MRPL48: variants seen among roughly 807,000 people sequenced by gnomAD.
MRPL48 encodes mitochondrial ribosomal protein L48.
Under a neutral mutation model 32.9 loss-of-function variants are expected in MRPL48, and 16 were observed. That is an observed-to-expected ratio of 0.49 (90% CI 0.33 to 0.74). The LOEUF (loss-of-function observed/expected upper bound fraction) is 0.74, where lower values mean the gene tolerates loss of function less well. MRPL48 is among the 30% of genes least tolerant of loss of function. The pLI is 0.02. For synonymous variants in MRPL48, 94 were observed against 89.2 expected, an observed-to-expected ratio of 1.05 and a Z score of -0.31; for missense variants, 206 against 245.3, an observed-to-expected ratio of 0.84 and a Z score of 1.07.
chr11:73,810,139 T>A (rs942265010), intron 3 of MRPL48, among the ~76,000 whole-genome samples: 2 of 152,240 alleles, frequency 1.3e-5, no homozygotes, highest in Non-Finnish European at 2.9e-5. Flanking sequence ...TAGATTCAAC[T>A]TTTGTTAACA....
At chr11:73,826,210 G>T (rs1026768692) in intron 4 of MRPL48, among the ~76,000 whole-genome samples, 7 of 151,904 alleles carry the variant, frequency 4.6e-5, no homozygotes, top group Admixed American at 3.9e-4. Flanking sequence ...TATAGAGACA[G>T]GGTCTTGCTG....
intron 6 of MRPL48, 161 bp downstream of exon 6, chr11:73,860,170 C>T (rs1591012792): frequency 1.7e-6 from 1 of 574,928 alleles, no homozygotes; most frequent in East Asian, 3.0e-5. Context: ...TAATACCTTC[C>T]CCCTATGCAG....
intron 4 of MRPL48, among the ~76,000 whole-genome samples, chr11:73,836,310 C>T (rs892040193): frequency 6.6e-6 from 1 of 152,038 alleles, no homozygotes; most frequent in African/African-American, 2.4e-5. Context: ...TTCTCCCTGC[C>T]TCAGCTTCCC....
At chr11:73,806,450 TCCCTGACTACTCTATGTAAAATATACA>T (rs1221346880) in intron 2 of MRPL48, among the ~76,000 whole-genome samples, 1 of 152,162 alleles carries the variant, frequency 6.6e-6, no homozygotes, top group Non-Finnish European at 1.5e-5. Context: ...CAAGAGGCCT[TCCCTGACTACTCTATGTAAAATATACA>T]CCCCTCCATC....
intron 1 of MRPL48, among the ~76,000 whole-genome samples, chr11:73,799,209 G>A (rs947057982): frequency 2.0e-5 from 3 of 152,106 alleles, no homozygotes; most frequent in South Asian, 4.2e-4. Context: ...AAAATTAGCC[G>A]AGTGTAGTGG....
rs1213673501 is a variant in MRPL48, at chr11:73,857,036, C to T, written c.372-2871C>T. 5.3e-5 allele frequency among the ~76,000 whole-genome samples: 8 copies of T among 152,212 alleles called. No homozygotes were observed. In the South Asian group the frequency reaches 1.5e-3, roughly 28 times the overall value. On this transcript the variant is annotated intron_variant, in intron 5 of 7. Coordinates refer to ENST00000310614, the MANE Select transcript of MRPL48 (RefSeq NM_016055.6). ...CGCCCCTTCTTGTCCCTATAGTATTCGGCACATACCTATTATTGCCTTTGT... is the reference window on the plus strand; with the variant it reads ...CGCCCCTTCTTGTCCCTATAGTATTTGGCACATACCTATTATTGCCTTTGT...
At chr11:73,861,267 G>A (rs1948579935) in intron 6 of MRPL48, among the ~76,000 whole-genome samples, 1 of 152,138 alleles carries the variant, frequency 6.6e-6, no homozygotes, top group Admixed American at 6.5e-5. Context: ...TAGTTTGAAT[G>A]CTTTAGGTTG....
At chr11:73,835,976 C>T (rs1021782777) in intron 4 of MRPL48, among the ~76,000 whole-genome samples, 1 of 152,002 alleles carries the variant, frequency 6.6e-6, no homozygotes, top group Non-Finnish European at 1.5e-5. Context: ...CACTGTCGCC[C>T]AGGTTGGAGT....
chr11:73,815,631 T>C (rs1947650939), intron 3 of MRPL48, among the ~76,000 whole-genome samples: 1 of 151,936 alleles, frequency 6.6e-6, no homozygotes, highest in Admixed American at 6.6e-5. Flanking sequence ...TGAGATTACA[T>C]GTGTGAGCCA....
intron 1 of MRPL48, among the ~76,000 whole-genome samples, chr11:73,791,335 T>C (rs1947148457): frequency 6.6e-6 from 1 of 152,228 alleles, no homozygotes; most frequent in Non-Finnish European, 1.5e-5. Context: ...CCCATTATAC[T>C]GATCTAACAT....
rs118062103 is a variant in MRPL48, at chr11:73,821,410, G to A, written c.113-4298G>A. 2.6e-3 allele frequency among the ~76,000 whole-genome samples: 396 copies of A among 152,142 alleles called. 14 individuals carry two copies. The East Asian group carries it at 0.064, about 25-fold the overall frequency. On this transcript the variant is annotated intron_variant, in intron 3 of 7. Transcript: ENST00000310614. ...TGGCCTTGTCCCCAACCCTTTGCAC[G>A]GTGTCTGGGATATCATTAGTACTCA...
At chr11:73,862,934 C>T (rs556414836) in intron 6 of MRPL48, among the ~76,000 whole-genome samples, 2 of 152,250 alleles carry the variant, frequency 1.3e-5, no homozygotes, top group African/African-American at 2.4e-5. Flanking sequence ...ACCTCTTGGT[C>T]CAGTAATGAC....
chr11:73,853,680 C>CTTTTTTTTTTTTTTTTTTTTTTTTTTTT (rs58486952), intron 5 of MRPL48, among the ~76,000 whole-genome samples: 1 of 79,118 alleles, frequency 1.3e-5, no homozygotes. Context: ...GAGATAGCTT[C>CTTTTTTTTTTTTTTTTTTTTTTTTTTTT]TTTTTTTTTT....
chr11:73,796,930 G>T (rs961157036), intron 1 of MRPL48, among the ~76,000 whole-genome samples: 1 of 152,186 alleles, frequency 6.6e-6, no homozygotes, highest in Non-Finnish European at 1.5e-5. Context: ...AGCCGAGCGT[G>T]GTGGTGGGCG....
At chr11:73,830,420 C>T (rs950217147) in intron 4 of MRPL48, among the ~76,000 whole-genome samples, 4 of 152,126 alleles carry the variant, frequency 2.6e-5, no homozygotes, top group Non-Finnish European at 5.9e-5. Flanking sequence ...GCTCCAGCCT[C>T]GTGGCTTCCT....
chr11:73,816,830 ATT>A (rs34704077), intron 3 of MRPL48, among the ~76,000 whole-genome samples: 3 of 141,682 alleles, frequency 2.1e-5, no homozygotes. Flanking sequence ...TTTGTTTATT[ATT>A]TTTTTTTTTT....
chr11:73,805,592 A>G (rs932297305), intron 2 of MRPL48, among the ~76,000 whole-genome samples: 1 of 151,444 alleles, frequency 6.6e-6, no homozygotes, highest in Non-Finnish European at 1.5e-5. Context: ...CCCCGCGTCC[A>G]GCCAGATGCT....
At chr11:73,804,483 G>A (rs959467293) in intron 1 of MRPL48, among the ~76,000 whole-genome samples, 1 of 151,622 alleles carries the variant, frequency 6.6e-6, no homozygotes, top group Admixed American at 6.6e-5. Flanking sequence ...TGTTGGTCAG[G>A]TTGGTCTTGA....
At chr11:73,840,123 G>T (rs1948163331) in intron 4 of MRPL48, among the ~76,000 whole-genome samples, 2 of 150,098 alleles carry the variant, frequency 1.3e-5, no homozygotes, top group African/African-American at 2.4e-5. Flanking sequence ...ACTCAGTTTT[G>T]TCAGTGACAA....
Sources: gnomAD v4.1 joint callset for allele counts (sites outside exome capture counted in the v4.1 genomes callset) on GRCh38, gnomAD v4.1.1 for gene constraint, MANE v1.5 for transcripts, NCBI Gene and HGNC (gene_info 2026-07-23, HGNC 2026-07-21) for gene names.